ELOVL2: variants seen among roughly 807,000 people sequenced by gnomAD.
ELOVL2 encodes the protein very long chain fatty acid elongase 2.
Under a neutral mutation model 37.7 loss-of-function variants are expected in ELOVL2, and 38 were observed. That is an observed-to-expected ratio of 1.01 (90% CI 0.78 to 1.32). The LOEUF (loss-of-function observed/expected upper bound fraction) is 1.32. Among genes scored for constraint, ELOVL2 ranks in the 40% most tolerant of loss-of-function variants. The pLI, the probability that ELOVL2 is intolerant of heterozygous loss-of-function variation, is 0.00. For missense variants in ELOVL2, 352 were observed against 363.6 expected (o/e 0.97, Z 0.26); for synonymous variants, 115 against 122.3 (o/e 0.94, Z 0.40).
chr6:11,028,678 T>C (rs969627506), intron 1 of ELOVL2, among the ~76,000 whole-genome samples: 1 of 152,024 alleles, frequency 6.6e-6, no homozygotes, highest in Non-Finnish European at 1.5e-5. Flanking sequence ...TTCTTCATTA[T>C]AAAAACTACA....
intron 1 of ELOVL2, among the ~76,000 whole-genome samples, chr6:11,042,954 T>C (rs1394076903): frequency 6.6e-6 from 1 of 152,156 alleles, no homozygotes; most frequent in Non-Finnish European, 1.5e-5. Flanking sequence ...CTGAAACCTA[T>C]ATTCTGGTAG....
intron 1 of ELOVL2, among the ~76,000 whole-genome samples, chr6:11,032,853 G>A (rs1782952439): frequency 6.6e-6 from 1 of 152,150 alleles, no homozygotes; most frequent in Non-Finnish European, 1.5e-5. Context: ...CGCCCTGAAA[G>A]TGTTCTATAA....
At chr6:10,987,561 T>C (rs533487180) in intron 7 of ELOVL2, among the ~76,000 whole-genome samples, 2 of 152,324 alleles carry the variant, frequency 1.3e-5, no homozygotes, top group East Asian at 1.9e-4. Flanking sequence ...TTTGTTCTTA[T>C]TGGTTTCAAA....
intron 2 of ELOVL2, 41 bp downstream of exon 2, chr6:11,010,705 C>T: frequency 6.8e-7 from 1 of 1,475,122 alleles, no homozygotes; most frequent in Non-Finnish European, 9.5e-7. Flanking sequence ...GGTGTTCTTC[C>T]TGTGTTCCTT....
intron 6 of ELOVL2, 133 bp downstream of exon 6, chr6:10,990,185 C>G: frequency 8.8e-7 from 1 of 1,141,688 alleles, no homozygotes; most frequent in East Asian, 2.6e-5. Flanking sequence ...AAGTTTAATT[C>G]TTAAAAGGCC....
At chr6:11,030,037 T>C (rs991988887) in intron 1 of ELOVL2, among the ~76,000 whole-genome samples, 3 of 152,176 alleles carry the variant, frequency 2.0e-5, no homozygotes, top group East Asian at 1.9e-4. Context: ...TGCTGGGACA[T>C]AGTAAGAATT....
intron 4 of ELOVL2, among the ~76,000 whole-genome samples, chr6:10,998,723 C>T (rs1462315393): frequency 6.6e-6 from 1 of 152,094 alleles, no homozygotes; most frequent in Non-Finnish European, 1.5e-5. Context: ...CTGCCCCAAA[C>T]CAGGAAGAGG....
intron 2 of ELOVL2, among the ~76,000 whole-genome samples, chr6:11,008,923 A>C (rs141599868): frequency 6.6e-6 from 1 of 152,212 alleles, no homozygotes; most frequent in Admixed American, 6.5e-5. Flanking sequence ...AAACAGGAAA[A>C]CCTCCTCATT....
intron 1 of ELOVL2, among the ~76,000 whole-genome samples, chr6:11,028,915 G>C (rs1371898433): frequency 6.6e-6 from 1 of 151,978 alleles, no homozygotes; most frequent in Non-Finnish European, 1.5e-5. Flanking sequence ...TGGTAAATGA[G>C]ACTGTAGCAT....
At chr6:11,025,514 T>G (rs1469225964) in intron 1 of ELOVL2, among the ~76,000 whole-genome samples, 1 of 152,198 alleles carries the variant, frequency 6.6e-6, no homozygotes, top group Non-Finnish European at 1.5e-5. Context: ...ATTTTTTTGT[T>G]CAAAAGTCTT....
intron 7 of ELOVL2, among the ~76,000 whole-genome samples, chr6:10,986,110 A>T (rs1031220555): frequency 6.6e-6 from 1 of 152,152 alleles, no homozygotes; most frequent in African/African-American, 2.4e-5. Flanking sequence ...CTTTGAAGCA[A>T]TTGTGAATGG....
At chr6:11,031,109 C>T (rs918841330) in intron 1 of ELOVL2, among the ~76,000 whole-genome samples, 2 of 152,144 alleles carry the variant, frequency 1.3e-5, no homozygotes, top group East Asian at 1.9e-4. Context: ...CATGTTGACA[C>T]GGCAGCTCTG....
intron 1 of ELOVL2, among the ~76,000 whole-genome samples, chr6:11,020,183 TA>T (rs113673873): frequency 0.54 from 81,878 of 151,356 alleles, 23,301 homozygotes; most frequent in East Asian, 0.9. Context: ...CCTTAAGTCT[TA>T]AAAAAAAAAT....
chr6:11,013,132 T>G (rs1782611754), intron 1 of ELOVL2, among the ~76,000 whole-genome samples: 1 of 152,166 alleles, frequency 6.6e-6, no homozygotes, highest in Non-Finnish European at 1.5e-5. Context: ...GGGAAATGTT[T>G]TTATGGCCAG....
intron 6 of ELOVL2, 53 bp from the exon 7 acceptor site, chr6:10,989,890 G>C (rs558847407): frequency 3.7e-5 from 60 of 1,607,862 alleles, no homozygotes; most frequent in African/African-American, 3.5e-4. Context: ...GTGCCACACA[G>C]ACACTGCGGC....
intron 1 of ELOVL2, among the ~76,000 whole-genome samples, chr6:11,039,108 C>T (rs571508485): frequency 1.3e-5 from 2 of 152,280 alleles, no homozygotes; most frequent in East Asian, 3.9e-4. Flanking sequence ...ATGTATACAG[C>T]CAAAGGGCAG....
intron 1 of ELOVL2, among the ~76,000 whole-genome samples, chr6:11,034,167 T>TA (rs1378351862): frequency 1.3e-5 from 2 of 152,218 alleles, no homozygotes; most frequent in East Asian, 3.8e-4. Flanking sequence ...ATAACCTCCC[T>TA]ATCCAGTCTC....
intron 1 of ELOVL2, among the ~76,000 whole-genome samples, chr6:11,022,604 T>C (rs1353801369): frequency 2.0e-5 from 3 of 152,188 alleles, no homozygotes; most frequent in Non-Finnish European, 2.9e-5. Flanking sequence ...ACACAAAAAA[T>C]TTTGAGTTTG....
chr6:10,994,152 G>C lies in ELOVL2; in HGVS notation c.505+855C>G, dbSNP rs571267969. Among the ~76,000 whole-genome samples, 35 of 147,654 alleles carry C rather than the reference G, an allele frequency of 2.4e-4. No homozygotes were observed. The East Asian group carries it at 7.1e-3, about 30-fold the overall frequency. On this transcript the variant is annotated intron_variant, in intron 5 of 7. Coordinates refer to ENST00000354666, the MANE Select transcript of ELOVL2 (RefSeq NM_017770.4). ...CATTCCAGCCTGGGCAGAAGAATGA[G>C]ACCCTGTCTTAAAAAAATAAAAAAA...
Sources: allele counts gnomAD v4.1 joint callset (sites outside exome capture counted in the v4.1 genomes callset), GRCh38; gene constraint gnomAD v4.1.1; transcripts MANE v1.5; gene names NCBI Gene and HGNC (gene_info 2026-07-23, HGNC 2026-07-21).